Variants in CHLSN observed in about 807,000 individuals in gnomAD.
CHLSN encodes cholesin.
chr7:1,006,740 G>A, the CHLSN span, among the ~76,000 whole-genome samples: 2 of 147,218 alleles, frequency 1.4e-5, no homozygotes, highest in East Asian at 2.1e-4. Context: ...GACAAAGAGC[G>A]CACGATGGCC....
chr7:1,026,374 C>T, the CHLSN span: 1 of 152,264 alleles, frequency 6.6e-6, no homozygotes, highest in Non-Finnish European at 1.5e-5. Flanking sequence ...GTTCGCACGG[C>T]AGTGCTTCTG....
At chr7:1,092,802 C>T in the CHLSN span, 19 of 1,613,506 alleles carry the variant, frequency 1.2e-5, no homozygotes, top group East Asian at 8.9e-5. Flanking sequence ...CCCTGAAGGC[C>T]GTCATTCCAG....
the CHLSN span, among the ~76,000 whole-genome samples, chr7:989,989 G>A: frequency 2.1e-5 from 2 of 97,446 alleles, no homozygotes; most frequent in Admixed American, 1.1e-4. Context: ...TGCTGGGGGC[G>A]GTGTGGTCGG....
chr7:983,001 C>T, the CHLSN span, among the ~76,000 whole-genome samples: 7 of 152,130 alleles, frequency 4.6e-5, no homozygotes, highest in African/African-American at 1.7e-4. Flanking sequence ...CCTGCCCTCC[C>T]CTCCCCGGCC....
the CHLSN span, among the ~76,000 whole-genome samples, chr7:1,053,104 C>A: frequency 6.6e-6 from 1 of 152,230 alleles, no homozygotes; most frequent in South Asian, 2.1e-4. Flanking sequence ...TTCTCCAGTT[C>A]CAGGATGCCC....
At chr7:1,125,802 C>T in the CHLSN span, among the ~76,000 whole-genome samples, 238 of 152,304 alleles carry the variant, frequency 1.6e-3, 4 homozygotes, top group Admixed American at 0.014. Context: ...GGTGGTAACA[C>T]GGGGTGACAA....
the CHLSN span, among the ~76,000 whole-genome samples, chr7:1,116,676 G>A: frequency 2.0e-5 from 1 of 49,744 alleles, no homozygotes; most frequent in Non-Finnish European, 3.5e-5. Flanking sequence ...GTCCACGCAG[G>A]ATGATGACAT....
chr7:1,079,387 A>G, the CHLSN span, among the ~76,000 whole-genome samples: 1 of 152,228 alleles, frequency 6.6e-6, no homozygotes, highest in South Asian at 2.1e-4. Context: ...GCTTTTGCAC[A>G]GAAACAGTGA....
At chr7:1,012,400 T>C in the CHLSN span, among the ~76,000 whole-genome samples, 1 of 152,340 alleles carries the variant, frequency 6.6e-6, no homozygotes, top group Non-Finnish European at 1.5e-5. Context: ...GGCCGTCCCA[T>C]ATCGGGGCCA....
chr7:1,016,682 G>T, the CHLSN span, among the ~76,000 whole-genome samples: 22 of 40,562 alleles, frequency 5.4e-4, no homozygotes, highest in South Asian at 1.4e-3. Context: ...CACACGCCAG[G>T]GCACAGCAGC....
At chr7:1,037,060 G>A in the CHLSN span, among the ~76,000 whole-genome samples, 8 of 146,456 alleles carry the variant, frequency 5.5e-5, 1 homozygote, top group South Asian at 2.2e-4. Context: ...GCAGTGAGCC[G>A]AGATCACACC....
chr7:1,032,500 G>T, the CHLSN span, among the ~76,000 whole-genome samples: 1 of 151,640 alleles, frequency 6.6e-6, no homozygotes, highest in Admixed American at 6.6e-5. Context: ...CTCAGAGGCC[G>T]CAGCCACCCG....
At chr7:1,096,908 C>T in the CHLSN span, among the ~76,000 whole-genome samples, 197 of 152,266 alleles carry the variant, frequency 1.3e-3, 1 homozygote, top group African/African-American at 4.6e-3. The surrounding 1 kb of genome is among the most constrained non-coding windows in gnomAD (Gnocchi z 4.6). Context: ...ACAAAGAAAC[C>T]TTCTTAGGAG....
At chr7:1,047,585 A>T in the CHLSN span, among the ~76,000 whole-genome samples, 1 of 152,354 alleles carries the variant, frequency 6.6e-6, no homozygotes, top group East Asian at 1.9e-4. Flanking sequence ...AAAAGAAAAT[A>T]AACATTCCAG....
the CHLSN span, among the ~76,000 whole-genome samples, chr7:1,035,310 G>A: frequency 6.6e-6 from 1 of 152,250 alleles, no homozygotes; most frequent in Non-Finnish European, 1.5e-5. Flanking sequence ...ACTGTGAACA[G>A]GGCTGCAGTG....
At chr7:993,096 C>T in the CHLSN span, among the ~76,000 whole-genome samples, 1 of 152,130 alleles carries the variant, frequency 6.6e-6, no homozygotes, top group African/African-American at 2.4e-5. Flanking sequence ...GATGACTATT[C>T]AGGGTTTGAG....
the CHLSN span, among the ~76,000 whole-genome samples, chr7:1,014,294 T>A: frequency 6.6e-6 from 1 of 152,230 alleles, no homozygotes; most frequent in Non-Finnish European, 1.5e-5. Context: ...AAAATACAAC[T>A]GCATGAAAAC....
At chr7:1,002,791 G>A in the CHLSN span, among the ~76,000 whole-genome samples, 1 of 88,978 alleles carries the variant, frequency 1.1e-5, no homozygotes, top group African/African-American at 4.8e-5. Flanking sequence ...GAGTCCTGTG[G>A]GTGAGTGGAG....
At chr7:1,128,119 TCTCGG>T in the CHLSN span, among the ~76,000 whole-genome samples, 2 of 14,554 alleles carry the variant, frequency 1.4e-4, no homozygotes, top group Non-Finnish European at 1.3e-4. Context: ...AGTGGCGCGA[TCTCGG>T]CTCATCCCAC....
Sources: gnomAD v4.1 joint callset for allele counts (sites outside exome capture counted in the v4.1 genomes callset) on GRCh38, gnomAD v4.1.1 for gene constraint, Gnocchi (gnomAD v3.1) non-coding constraint, MANE v1.5 for transcripts, NCBI Gene and HGNC (gene_info 2026-07-23, HGNC 2026-07-21) for gene names.